The following TOX2 variants were observed in gnomAD, a reference collection of about 807,000 sequenced individuals.
TOX2 encodes the protein TOX high mobility group box family member 2, also known as granulosa cell HMG box 1.
Under a neutral mutation model 47.4 loss-of-function variants are expected in TOX2, and 15 were observed. The ratio of observed to expected loss-of-function variants is 0.32; its 90% confidence interval spans 0.21 to 0.49. TOX2 has a LOEUF of 0.49. Ranked by LOEUF, TOX2 falls within the 20% of genes least tolerant of loss-of-function variation. TOX2 has a pLI of 0.99. For missense variants in TOX2, 622 were observed against 673.1 expected (o/e 0.92, Z 0.84); for synonymous variants, 290 against 296.6 (o/e 0.98, Z 0.23).
chr20:43,945,642 A>G (rs1357183927), intron 1 of TOX2: 2 of 400,322 alleles, frequency 5.0e-6, no homozygotes, highest in African/African-American at 4.1e-5. Flanking sequence ...AATGACGTGG[A>G]GCCGCGCTGT....
chr20:43,948,754 A>G (rs2069511206), intron 1 of TOX2, among the ~76,000 whole-genome samples: 1 of 152,210 alleles, frequency 6.6e-6, no homozygotes, highest in Non-Finnish European at 1.5e-5. Flanking sequence ...GGCATGAAAT[A>G]TAGATGGGGA....
chr20:43,966,456 T>C (rs933541753), intron 1 of TOX2, among the ~76,000 whole-genome samples: 1 of 152,022 alleles, frequency 6.6e-6, no homozygotes, highest in African/African-American at 2.4e-5. Flanking sequence ...GGTGGGACGA[T>C]GTGTAAGAGT....
At chr20:44,033,319 T>TG (rs1258122324) in intron 3 of TOX2, among the ~76,000 whole-genome samples, 2 of 152,140 alleles carry the variant, frequency 1.3e-5, no homozygotes, top group Non-Finnish European at 2.9e-5. Flanking sequence ...GAGAGCAGTG[T>TG]GCCCCTGGGA....
intron 1 of TOX2, among the ~76,000 whole-genome samples, chr20:43,951,270 T>C (rs2069560649): frequency 6.6e-6 from 1 of 152,188 alleles, no homozygotes; most frequent in Non-Finnish European, 1.5e-5. Flanking sequence ...ATTTGAGTTT[T>C]CTACCTTTAA....
intron 1 of TOX2, among the ~76,000 whole-genome samples, chr20:43,972,168 T>C (rs1456905224): frequency 6.6e-6 from 1 of 152,206 alleles, no homozygotes; most frequent in African/African-American, 2.4e-5. Context: ...GACTTGTGCT[T>C]GGTCAATTGG....
intron 3 of TOX2, among the ~76,000 whole-genome samples, chr20:44,043,402 C>T (rs2071364752): frequency 6.6e-6 from 1 of 152,228 alleles, no homozygotes. Context: ...GAAATAACCA[C>T]TATTCTGCAG....
rs140793643 is a variant in TOX2, at chr20:43,956,156, AG to A, written c.100-17209del. Among the ~76,000 whole-genome samples, 723 of 152,234 alleles carry A rather than the reference AG, an allele frequency of 4.7e-3. 5 individuals carry two copies. Among genetic ancestry groups the A allele is most frequent in the African/African-American group, 0.016 (682 of 41,540 alleles). ...ACCTCTTCCGTGAAGTCTTTTTACA[AG>A]GCCCTTGTCTAGGCCCCACGAACCT... On this transcript the variant is annotated intron_variant, in intron 1 of 8. Coordinates refer to ENST00000341197, the MANE Select transcript of TOX2 (RefSeq NM_001098797.2).
intron 3 of TOX2, among the ~76,000 whole-genome samples, chr20:44,031,562 TC>T (rs2071152855): frequency 6.6e-6 from 1 of 152,068 alleles, no homozygotes; most frequent in African/African-American, 2.4e-5. Flanking sequence ...ACCGTTTAGG[TC>T]CTGAGGCTGT....
intron 1 of TOX2, among the ~76,000 whole-genome samples, chr20:43,924,174 T>C (rs2069140518): frequency 1.3e-5 from 2 of 152,088 alleles, no homozygotes; most frequent in Non-Finnish European, 2.9e-5. Context: ...ACTGTGACCA[T>C]CTCAGGGAGA....
At chr20:43,971,375 C>T (rs2069962390) in intron 1 of TOX2, among the ~76,000 whole-genome samples, 1 of 152,124 alleles carries the variant, frequency 6.6e-6, no homozygotes. Context: ...GAGGGCGCGT[C>T]GAAAATGGTG....
chr20:43,932,783 C>CACCCG (rs11283632), intron 1 of TOX2, among the ~76,000 whole-genome samples: 22 of 149,076 alleles, frequency 1.5e-4, no homozygotes, highest in African/African-American at 4.9e-4. Context: ...TGCCCCCCCC[C>CACCCG]GCCATTTCTG....
intron 4 of TOX2, among the ~76,000 whole-genome samples, chr20:44,053,540 C>CTA (rs1491416430): frequency 2.1e-5 from 1 of 47,198 alleles, no homozygotes; most frequent in East Asian, 1.1e-3. Context: ...TACATATATA[C>CTA]TATATATATA....
chr20:44,041,066 G>A (rs187051556), intron 3 of TOX2, among the ~76,000 whole-genome samples: 5 of 152,306 alleles, frequency 3.3e-5, no homozygotes, highest in African/African-American at 7.2e-5. Flanking sequence ...GGATTGCAAG[G>A]GAAGGGGCTG....
intron 1 of TOX2, among the ~76,000 whole-genome samples, chr20:43,959,316 C>T (rs6065677): frequency 0.056 from 8,510 of 152,266 alleles, 283 homozygotes; most frequent in South Asian, 0.15. Flanking sequence ...CCAGTGTTCT[C>T]GCAGCTCCCA....
At chr20:44,050,714 T>C (rs1277413200) in intron 3 of TOX2, among the ~76,000 whole-genome samples, 1 of 152,222 alleles carries the variant, frequency 6.6e-6, no homozygotes, top group Admixed American at 6.5e-5. Flanking sequence ...TTATTCAATG[T>C]ATTTAACACA....
intron 2 of TOX2, among the ~76,000 whole-genome samples, chr20:44,005,632 A>C (rs1022065236): frequency 5.9e-5 from 9 of 152,248 alleles, no homozygotes; most frequent in Admixed American, 4.6e-4. Context: ...TACCATTAGA[A>C]AACCAAATTA....
intron 1 of TOX2, among the ~76,000 whole-genome samples, chr20:43,922,922 G>C (rs2069126145): frequency 6.6e-6 from 1 of 152,186 alleles, no homozygotes; most frequent in Non-Finnish European, 1.5e-5. Flanking sequence ...TGGGTGAATG[G>C]CTATGTGGAT....
rs569542452 is a variant in TOX2, at chr20:43,953,098, C to T, written c.100-20269C>T. Among the ~76,000 whole-genome samples, 3 of 152,184 alleles carry T rather than the reference C, an allele frequency of 2.0e-5. No homozygotes were observed. The South Asian group carries it at 6.2e-4, about 32-fold the overall frequency. ...GGGACCACAAGCTAAGGAACACAAG[C>T]AGCCACTAGACACAGGGAAAGGCAA... is the stretch of plus-strand genomic sequence containing the variant. On this transcript the variant is annotated intron_variant, in intron 1 of 8. Transcript: ENST00000341197.
At chr20:43,941,563 C>T (rs1016479798) in intron 1 of TOX2, among the ~76,000 whole-genome samples, 40 of 152,130 alleles carry the variant, frequency 2.6e-4, no homozygotes, top group African/African-American at 8.0e-4. Flanking sequence ...GAACTCCTGA[C>T]GTCATGTGAT....
Sources: gnomAD v4.1 joint callset for allele counts (sites outside exome capture counted in the v4.1 genomes callset) on GRCh38, gnomAD v4.1.1 for gene constraint, MANE v1.5 for transcripts, NCBI Gene and HGNC (gene_info 2026-07-23, HGNC 2026-07-21) for gene names.